Variants in SYNPR observed in about 807,000 individuals in gnomAD.
The protein encoded by SYNPR is synaptoporin.
A neutral mutation model predicts 32.9 loss-of-function variants in SYNPR; 23 were observed. The observed-to-expected ratio is 0.70, with a 90% confidence interval of 0.50 to 0.99. The LOEUF (loss-of-function observed/expected upper bound fraction) is 0.99, where lower values mean the gene tolerates loss of function less well. SYNPR is among the 50% of genes least tolerant of loss of function. The pLI, the probability that SYNPR is intolerant of heterozygous loss-of-function variation, is 0.00. For synonymous variants in SYNPR, 146 were observed against 135.9 expected (o/e 1.07, Z -0.52); for missense variants, 318 against 349.3 (o/e 0.91, Z 0.71).
chr3:63,572,584 C>T (rs565306945), intron 4 of SYNPR, among the ~76,000 whole-genome samples: 1 of 152,244 alleles, frequency 6.6e-6, no homozygotes, highest in African/African-American at 2.4e-5. Flanking sequence ...TAAATGCTGT[C>T]TCATCACTCT....
intron 3 of SYNPR, chr3:63,545,594 T>G (rs948863555): frequency 1.3e-5 from 2 of 152,030 alleles, no homozygotes; most frequent in Admixed American, 1.3e-4. Flanking sequence ...TGTACATATA[T>G]TATATGACTG....
intron 3 of SYNPR, among the ~76,000 whole-genome samples, chr3:63,519,124 G>A (rs1701856782): frequency 6.6e-6 from 1 of 152,166 alleles, no homozygotes; most frequent in Non-Finnish European, 1.5e-5. Context: ...CATGACCGTG[G>A]TGGATTAGTT....
rs151082956 is a variant in SYNPR, at chr3:63,421,113, G to A, written c.85-59719G>A. Among the ~76,000 whole-genome samples, 962 of 152,158 alleles carry A rather than the reference G, an allele frequency of 6.3e-3. 10 individuals carry two copies. The highest frequency in any genetic ancestry group is 0.022 in the African/African-American group (913 of 41,486). On this transcript the variant is annotated intron_variant, in intron 2 of 5. Coordinates refer to ENST00000478300, the MANE Select transcript of SYNPR (RefSeq NM_001130003.2). ...CCCAGGAATGGTCTTAAACTCCTGG[G>A]CTCAAGTGATTCCCCGGTTTTGGCC...
chr3:63,527,275 T>C (rs1188989415), intron 3 of SYNPR, among the ~76,000 whole-genome samples: 1 of 152,008 alleles, frequency 6.6e-6, no homozygotes, highest in Non-Finnish European at 1.5e-5. Flanking sequence ...CAAGGCATCA[T>C]CCCAAAGGCA....
chr3:63,239,470 T>TA, intron 1 of SYNPR, among the ~76,000 whole-genome samples: 1 of 150,362 alleles, frequency 6.7e-6, no homozygotes, highest in Non-Finnish European at 1.5e-5. Flanking sequence ...CATGGTAGAA[T>TA]GGGCACATGA....
intron 3 of SYNPR, among the ~76,000 whole-genome samples, chr3:63,547,776 T>C (rs1180348465): frequency 6.6e-6 from 1 of 152,176 alleles, no homozygotes; most frequent in Non-Finnish European, 1.5e-5. Flanking sequence ...GCAAGAGCTT[T>C]GGGGTCATAC....
intron 1 of SYNPR, chr3:63,252,360 T>C (rs957819455): frequency 9.2e-5 from 14 of 152,198 alleles, no homozygotes; most frequent in African/African-American, 3.1e-4. Flanking sequence ...TAGTGATCCA[T>C]TACATTGAAT....
chr3:63,263,276 A>G (rs76668616), intron 2 of SYNPR, among the ~76,000 whole-genome samples: 4,144 of 152,310 alleles, frequency 0.027, 76 homozygotes, highest in Middle Eastern at 0.085. Context: ...TTGGACCACC[A>G]GTTGGTCATC....
At chr3:63,275,992 A>G (rs560689964), upstream of SYNPR, among the ~76,000 whole-genome samples, 1 of 152,178 alleles carries the variant, frequency 6.6e-6, no homozygotes, top group South Asian at 2.1e-4. Flanking sequence ...GTAACAAAAG[A>G]CCTAAATTTT....
chr3:63,260,143 GC>G (rs1187348980), intron 2 of SYNPR, among the ~76,000 whole-genome samples: 1 of 152,170 alleles, frequency 6.6e-6, no homozygotes, highest in Non-Finnish European at 1.5e-5. Context: ...TGGCCATACT[GC>G]CCAAGGTAAT....
chr3:63,309,503 T>A (rs1001124943), intron 2 of SYNPR, among the ~76,000 whole-genome samples: 3 of 152,076 alleles, frequency 2.0e-5, no homozygotes, highest in Non-Finnish European at 4.4e-5. Context: ...TGGAAATTGT[T>A]CCATTTGTTC....
rs866653527 is a variant in SYNPR, at chr3:63,408,240, A to G, written c.85-72592A>G. On this transcript the variant is annotated intron_variant, in intron 2 of 5. Coordinates refer to ENST00000478300, the MANE Select transcript of SYNPR (RefSeq NM_001130003.2). ...AGGAAGGAAGGAAGGAAAGAAAGAA[A>G]GAAAGAAAGAAAGAAAGAAAGAAAG... Among the ~76,000 whole-genome samples, 119 of 108,062 alleles carry G rather than the reference A, an allele frequency of 1.1e-3. 2 individuals carry two copies. Among genetic ancestry groups the G allele is most frequent in the Non-Finnish European group, 1.7e-3 (92 of 55,474 alleles). The allele number at this position is 108,062 out of a possible 152,430, so 70.9% of individuals were successfully genotyped here. A position where few individuals can be genotyped will look rare whatever the true frequency, so the allele number is the denominator to read the frequency against.
chr3:63,458,730 G>A (rs558497321), intron 2 of SYNPR, among the ~76,000 whole-genome samples: 2 of 152,074 alleles, frequency 1.3e-5, no homozygotes, highest in South Asian at 4.1e-4. Context: ...CTAGCACTCA[G>A]TCATCATCTC....
chr3:63,302,615 A>AT (rs2086868551), intron 2 of SYNPR, among the ~76,000 whole-genome samples: 1 of 151,996 alleles, frequency 6.6e-6, no homozygotes. Flanking sequence ...TTTTATTAAA[A>AT]TTTTTACATA....
intron 3 of SYNPR, among the ~76,000 whole-genome samples, chr3:63,499,662 G>T (rs1701441254): frequency 6.6e-6 from 1 of 152,270 alleles, no homozygotes; most frequent in East Asian, 1.9e-4. Context: ...CATGTCCTGT[G>T]ACAGAGACGG....
At chr3:63,286,305 GA>G (rs11360415) in intron 2 of SYNPR, among the ~76,000 whole-genome samples, 69,042 of 151,930 alleles carry the variant, frequency 0.45, 15,836 homozygotes, top group Middle Eastern at 0.52. Context: ...GAGGTGTGAA[GA>G]GATACTTTTC....
chr3:63,421,760 T>C (rs1036757835), intron 2 of SYNPR, among the ~76,000 whole-genome samples: 2 of 152,212 alleles, frequency 1.3e-5, no homozygotes, highest in Admixed American at 1.3e-4. Context: ...TCTTTGGTTG[T>C]TGGCAGGATT....
chr3:63,200,832 A>G, the SYNPR span, among the ~76,000 whole-genome samples: 2 of 152,168 alleles, frequency 1.3e-5, no homozygotes, highest in African/African-American at 4.8e-5. Flanking sequence ...TAAAAGATTT[A>G]TCTCTTTTCT....
chr3:63,233,092 G>T (rs1046849782), intron 1 of SYNPR, among the ~76,000 whole-genome samples: 1 of 152,178 alleles, frequency 6.6e-6, no homozygotes, highest in African/African-American at 2.4e-5. Context: ...ATCTCAAAAT[G>T]TGGTTCAAAG....
Sources: allele counts gnomAD v4.1 joint callset (sites outside exome capture counted in the v4.1 genomes callset), GRCh38; gene constraint gnomAD v4.1.1; transcripts MANE v1.5; gene names NCBI Gene and HGNC (gene_info 2026-07-23, HGNC 2026-07-21).